Variants in NFIB observed in about 807,000 individuals in gnomAD.
NFIB encodes nuclear factor 1 B-type.
In NFIB, 11 loss-of-function variants were observed where a neutral mutation model predicts 61.5. That is an observed-to-expected ratio of 0.18 (90% CI 0.11 to 0.30). The LOEUF (loss-of-function observed/expected upper bound fraction) is 0.30. Ranked by LOEUF, NFIB falls within the 10% of genes least tolerant of loss-of-function variation. The pLI, the probability that NFIB is intolerant of heterozygous loss-of-function variation, is 1.00. For synonymous variants in NFIB, 260 were observed against 216.5 expected (o/e 1.20, Z -1.76); for missense variants, 471 against 608.9 (o/e 0.77, Z 2.38).
chr9:14,454,249 G>C, the NFIB span, among the ~76,000 whole-genome samples: 1 of 152,188 alleles, frequency 6.6e-6, no homozygotes, highest in Non-Finnish European at 1.5e-5. Flanking sequence ...AGTTAGACCT[G>C]ACTTGTCAAA....
intron 1 of NFIB, among the ~76,000 whole-genome samples, chr9:14,350,941 G>A (rs2061102412): frequency 6.6e-6 from 1 of 152,140 alleles, no homozygotes; most frequent in African/African-American, 2.4e-5. Flanking sequence ...AAAGAAAGTC[G>A]CGACCTTTCT....
intron 1 of NFIB, among the ~76,000 whole-genome samples, chr9:14,381,445 C>T (rs1456442654): frequency 6.6e-6 from 1 of 152,122 alleles, no homozygotes; most frequent in African/African-American, 2.4e-5. Context: ...GTTGTCTCAG[C>T]CTCCCAAAGT....
chr9:14,175,192 T>C (rs1444465422), intron 3 of NFIB, among the ~76,000 whole-genome samples: 3 of 103,614 alleles, frequency 2.9e-5, no homozygotes, highest in Non-Finnish European at 4.4e-5. Context: ...TTTTTTGAGA[T>C]GGAGTCTCGC....
chr9:14,146,156 G>A (rs1183525895), intron 6 of NFIB, among the ~76,000 whole-genome samples: 1 of 152,044 alleles, frequency 6.6e-6, no homozygotes, highest in Non-Finnish European at 1.5e-5. Context: ...AGCTGCCCTA[G>A]AACTGGGTCA....
At chr9:14,503,892 C>T in the NFIB span, among the ~76,000 whole-genome samples, 23 of 152,180 alleles carry the variant, frequency 1.5e-4, no homozygotes, top group South Asian at 3.5e-3. Flanking sequence ...ATGAAGTCTT[C>T]GCCTAAGCCA....
chr9:14,235,641 G>A (rs1039293578), intron 2 of NFIB, among the ~76,000 whole-genome samples: 9 of 152,130 alleles, frequency 5.9e-5, no homozygotes, highest in Admixed American at 3.9e-4. Flanking sequence ...CTGTTGTACT[G>A]CTGTAGATAG....
chr9:14,295,803 G>C (rs546146280), intron 2 of NFIB, among the ~76,000 whole-genome samples: 1 of 152,074 alleles, frequency 6.6e-6, no homozygotes, highest in Non-Finnish European at 1.5e-5. Flanking sequence ...AGTGAATTAC[G>C]AGTACTTGAT....
In NFIB at chr9:14,271,676, C is replaced by T. The variant is rs142146911; in HGVS notation, c.562+35313G>A. Among the ~76,000 whole-genome samples the T allele has an allele frequency of 3.7e-3, 565 of 152,234 alleles. 4 individuals carry two copies. Among genetic ancestry groups the T allele is most frequent in the African/African-American group, 0.013 (542 of 41,532 alleles). On this transcript the variant is annotated intron_variant, in intron 2 of 10. Transcript: ENST00000380953. ...AGGGATGAGGTGGTTGGCCAGATAA[C>T]CACACTGCTGTTACATGGAGCAAAA...
chr9:14,499,089 TGA>T, the NFIB span, among the ~76,000 whole-genome samples: 2 of 151,512 alleles, frequency 1.3e-5, no homozygotes, highest in Non-Finnish European at 1.5e-5. Context: ...TGTGTGTGTG[TGA>T]GAGAGAGAGA....
chr9:14,089,787 C>T (rs2033568172), intron 10 of NFIB, among the ~76,000 whole-genome samples: 1 of 152,124 alleles, frequency 6.6e-6, no homozygotes, highest in Non-Finnish European at 1.5e-5. Context: ...AAAACCTTTA[C>T]AGAATATCAA....
chr9:14,176,532 A>G (rs572755154), intron 3 of NFIB, among the ~76,000 whole-genome samples: 1 of 152,338 alleles, frequency 6.6e-6, no homozygotes, highest in Admixed American at 6.5e-5. Flanking sequence ...GCTACTTAAA[A>G]GCTCTATAAA....
chr9:14,369,526 G>C (rs1224513519), intron 1 of NFIB, among the ~76,000 whole-genome samples: 1 of 151,990 alleles, frequency 6.6e-6, no homozygotes, highest in African/African-American at 2.4e-5. Flanking sequence ...AGGTGCTTCA[G>C]CTTTAACATC....
the NFIB span, among the ~76,000 whole-genome samples, chr9:14,429,502 G>A: frequency 6.6e-6 from 1 of 152,192 alleles, no homozygotes; most frequent in Admixed American, 6.5e-5. Context: ...TAAGGGTGAT[G>A]TTACTAGTTA....
intron 1 of NFIB, among the ~76,000 whole-genome samples, chr9:14,370,471 C>T (rs1002025755): frequency 6.6e-6 from 1 of 152,118 alleles, no homozygotes; most frequent in Non-Finnish European, 1.5e-5. Flanking sequence ...AGCCAAATCA[C>T]GTAGAAGGTG....
chr9:14,268,545 C>A lies in NFIB; in HGVS notation c.562+38444G>T, dbSNP rs553256908. 2.6e-5 allele frequency among the ~76,000 whole-genome samples: 4 copies of A among 152,326 alleles called. No individual in the cohort carries two copies. The East Asian group carries it at 7.7e-4, about 29-fold the overall frequency. On this transcript the variant is annotated intron_variant, in intron 2 of 10. Coordinates refer to ENST00000380953, the MANE Select transcript of NFIB (RefSeq NM_001190737.2). Reference sequence around the variant, plus strand: ...CCTCCAGGACCCCCATGCCTCACATCCTCGTCTAACAAAACGGTGCTCATC... The same window carrying A: ...CCTCCAGGACCCCCATGCCTCACATACTCGTCTAACAAAACGGTGCTCATC...
intron 1 of NFIB, among the ~76,000 whole-genome samples, chr9:14,355,012 C>T (rs1225238973): frequency 1.3e-5 from 2 of 151,552 alleles, no homozygotes; most frequent in South Asian, 4.2e-4. Context: ...CTATAGCAAC[C>T]GACCCCTGCT....
At chr9:14,442,161 ACCTCGCTTAATCACCAC>A in the NFIB span, among the ~76,000 whole-genome samples, 1 of 151,896 alleles carries the variant, frequency 6.6e-6, no homozygotes, top group African/African-American at 2.4e-5. Flanking sequence ...CTCTGGGTCC[ACCTCGCTTAATCACCAC>A]CCTCTCCTAA....
the NFIB span, among the ~76,000 whole-genome samples, chr9:14,414,924 C>G: frequency 6.6e-6 from 1 of 152,174 alleles, no homozygotes; most frequent in Non-Finnish European, 1.5e-5. Flanking sequence ...AATGGCCATT[C>G]TATTAGTTTC....
chr9:14,101,299 A>G (rs1218409595), intron 10 of NFIB, among the ~76,000 whole-genome samples: 2 of 152,234 alleles, frequency 1.3e-5, no homozygotes, highest in Admixed American at 1.3e-4. Context: ...ATCTTCAAGA[A>G]GAAAAGTCAC....
Sources: allele counts gnomAD v4.1 joint callset (sites outside exome capture counted in the v4.1 genomes callset), GRCh38; gene constraint gnomAD v4.1.1; transcripts MANE v1.5; gene names NCBI Gene and HGNC (gene_info 2026-07-23, HGNC 2026-07-21).